Variants in TASP1 observed in about 807,000 individuals in gnomAD.
TASP1 encodes the protein threonine aspartase 1.
In TASP1, 16 loss-of-function variants were observed where a neutral mutation model predicts 56.6. The ratio of observed to expected loss-of-function variants is 0.28; its 90% CI spans 0.19 to 0.43. The LOEUF (loss-of-function observed/expected upper bound fraction) is 0.43. Among genes scored for constraint, TASP1 ranks in the 20% least tolerant of loss-of-function variants. The probability of loss-of-function intolerance (pLI) is 1.00; values close to 1 mark genes in which losing one functional copy is unlikely to be tolerated. For synonymous variants in TASP1, 179 were observed against 184.2 expected (o/e 0.97, Z 0.23); for missense variants, 393 against 511.6 (o/e 0.77, Z 2.24).
At chr20:13,356,716 A>T in the TASP1 span, among the ~76,000 whole-genome samples, 1 of 152,144 alleles carries the variant, frequency 6.6e-6, no homozygotes, top group Non-Finnish European at 1.5e-5. Flanking sequence ...CCCAGATGAA[A>T]TCCCCACATT....
the TASP1 span, among the ~76,000 whole-genome samples, chr20:13,280,726 T>C: frequency 0.23 from 34,741 of 152,068 alleles, 4,045 homozygotes; most frequent in African/African-American, 0.28. Flanking sequence ...TCAGATCTAC[T>C]GAAATTCTGT....
rs1174941320 is a variant in TASP1, at chr20:13,471,694, T to C, written c.985+11533A>G. ...TTAGAATAAAACTGTATTTACTGAG[T>C]ATAGCTCCGTTCCAAGATGGCCAAA... is the stretch of plus-strand genomic sequence containing the variant. On this transcript the variant is annotated intron_variant, in intron 11 of 13. Transcript: ENST00000337743. Among the ~76,000 whole-genome samples, 4 of 152,132 alleles carry C rather than the reference T, an allele frequency of 2.6e-5. No individual in the cohort carries two copies. In the East Asian group the frequency reaches 7.7e-4, roughly 29 times the overall value.
the TASP1 span, among the ~76,000 whole-genome samples, chr20:13,289,172 G>A: frequency 1.3e-5 from 2 of 152,142 alleles, no homozygotes; most frequent in African/African-American, 4.8e-5. Flanking sequence ...CAATTGCAGT[G>A]GCCGTGACCT....
intron 11 of TASP1, among the ~76,000 whole-genome samples, chr20:13,458,320 T>C (rs2043922198): frequency 1.3e-5 from 2 of 152,140 alleles, no homozygotes; most frequent in South Asian, 4.1e-4. Context: ...AAATTTTTAA[T>C]TTCCACAGTT....
At chr20:13,474,082 A>G (rs2044627685) in intron 11 of TASP1, among the ~76,000 whole-genome samples, 1 of 152,228 alleles carries the variant, frequency 6.6e-6, no homozygotes, top group Admixed American at 6.5e-5. Flanking sequence ...TCTTGAAAAG[A>G]AATAAAAATA....
the TASP1 span, among the ~76,000 whole-genome samples, chr20:13,111,958 C>T: frequency 6.6e-6 from 1 of 152,174 alleles, no homozygotes; most frequent in African/African-American, 2.4e-5. Context: ...GCCTGCATCC[C>T]ACCACTTCAG....
intron 11 of TASP1, among the ~76,000 whole-genome samples, chr20:13,463,290 T>C (rs1432618662): frequency 1.3e-5 from 2 of 152,122 alleles, no homozygotes; most frequent in Non-Finnish European, 2.9e-5. Flanking sequence ...TCGATAATGA[T>C]GCTAGGAAAA....
At chr20:13,358,956 GTCTCTACCCCTTC>G in the TASP1 span, among the ~76,000 whole-genome samples, 1 of 148,626 alleles carries the variant, frequency 6.7e-6, no homozygotes, top group Admixed American at 6.7e-5. Context: ...TTCTCTCCTT[GTCTCTACCCCTTC>G]TCTGCTTTCC....
chr20:13,279,827 AC>A, the TASP1 span: 3 of 1,613,408 alleles, frequency 1.9e-6, no homozygotes, highest in Non-Finnish European at 1.7e-6. Context: ...AACTTCCTCA[AC>A]CCCCCCAGGG....
At chr20:13,566,989 C>T (rs2046552381) in intron 7 of TASP1, among the ~76,000 whole-genome samples, 1 of 152,168 alleles carries the variant, frequency 6.6e-6, no homozygotes, top group Non-Finnish European at 1.5e-5. Context: ...CTGTTCACTG[C>T]AGCACTATTC....
intron 11 of TASP1, among the ~76,000 whole-genome samples, chr20:13,448,401 C>T (rs2043491314): frequency 6.6e-6 from 1 of 151,904 alleles, no homozygotes; most frequent in African/African-American, 2.4e-5. Flanking sequence ...ATCATTTTTC[C>T]ACATTATCTT....
At chr20:13,261,086 C>T in the TASP1 span, among the ~76,000 whole-genome samples, 2 of 152,160 alleles carry the variant, frequency 1.3e-5, no homozygotes, top group African/African-American at 4.8e-5. Flanking sequence ...CTTTTCAAGT[C>T]TCTGTTAACT....
the TASP1 span, among the ~76,000 whole-genome samples, chr20:13,139,084 C>A: frequency 6.6e-6 from 1 of 152,158 alleles, no homozygotes; most frequent in African/African-American, 2.4e-5. Flanking sequence ...TCCAAAATGA[C>A]ATTTTCCATC....
chr20:13,541,088 T>C (rs1201586298), intron 8 of TASP1, among the ~76,000 whole-genome samples: 2 of 152,130 alleles, frequency 1.3e-5, no homozygotes, highest in Admixed American at 1.3e-4. Context: ...AATCTGTGGT[T>C]AACTATAGAG....
At chr20:13,267,805 A>G in the TASP1 span, among the ~76,000 whole-genome samples, 2 of 152,220 alleles carry the variant, frequency 1.3e-5, no homozygotes, top group African/African-American at 4.8e-5. Flanking sequence ...AAGGAAAGAG[A>G]GCCTCATTTT....
chr20:13,223,787 T>G, the TASP1 span, among the ~76,000 whole-genome samples: 1 of 152,206 alleles, frequency 6.6e-6, no homozygotes, highest in Non-Finnish European at 1.5e-5. Flanking sequence ...AGATAATTCT[T>G]AATATCTTCA....
intron 10 of TASP1, among the ~76,000 whole-genome samples, chr20:13,492,888 T>C (rs542401163): frequency 2.0e-3 from 302 of 152,334 alleles, no homozygotes; most frequent in Non-Finnish European, 3.3e-3. Context: ...TTCATAATTA[T>C]TTTTAATATA....
chr20:13,303,261 T>C, the TASP1 span, among the ~76,000 whole-genome samples: 4 of 152,220 alleles, frequency 2.6e-5, no homozygotes, highest in Non-Finnish European at 5.9e-5. Context: ...GCTGGATCCA[T>C]GCTTTTCTGT....
At chr20:13,204,681 A>T in the TASP1 span, among the ~76,000 whole-genome samples, 2 of 152,176 alleles carry the variant, frequency 1.3e-5, no homozygotes, top group African/African-American at 4.8e-5. Context: ...CTGGGATTAC[A>T]GGTGCACGCC....
Sources: allele counts gnomAD v4.1 joint callset (sites outside exome capture counted in the v4.1 genomes callset), GRCh38; gene constraint gnomAD v4.1.1; transcripts MANE v1.5; gene names NCBI Gene and HGNC (gene_info 2026-07-23, HGNC 2026-07-21).